SARS2: variants seen among roughly 807,000 people sequenced by gnomAD.
SARS2 encodes the protein seryl-tRNA synthetase 2, mitochondrial.
A neutral mutation model predicts 66.8 loss-of-function variants in SARS2; 52 were observed. The observed-to-expected ratio is 0.78, with a 90% CI of 0.62 to 0.98. The LOEUF is 0.98. Ranked by LOEUF, SARS2 falls within the 50% of genes least tolerant of loss-of-function variation. SARS2 has a pLI of 0.00. For missense variants in SARS2, 673 were observed against 706.3 expected (o/e 0.95, Z 0.53); for synonymous variants, 306 against 281.4 (o/e 1.09, Z -0.87).
At chr19:38,917,633 G>A (rs1974440221) in intron 12 of SARS2, 91 bp downstream of exon 12, 1 of 835,944 alleles carries the variant, frequency 1.2e-6, no homozygotes, top group Non-Finnish European at 2.0e-6. Context: ...GGGCTGGAGA[G>A]GTGGTTCCAG....
intron 7 of SARS2, among the ~76,000 whole-genome samples, chr19:38,919,197 G>A (rs1410239544): frequency 6.6e-6 from 1 of 152,208 alleles, no homozygotes; most frequent in Non-Finnish European, 1.5e-5. Context: ...TGAGGCAGGA[G>A]AATTACTTAA....
At chr19:38,922,323 G>A (rs1330837740) in intron 2 of SARS2, 56 bp from the exon 3 acceptor site, 9 of 1,565,624 alleles carry the variant, frequency 5.7e-6, no homozygotes, top group Non-Finnish European at 7.9e-6. Flanking sequence ...GGGTGGGGAA[G>A]AGAAAAAATG....
chr19:38,922,074 C>A, intron 3 of SARS2, 164 bp downstream of exon 3: 1 of 1,579,546 alleles, frequency 6.3e-7, no homozygotes, highest in Non-Finnish European at 8.6e-7. Flanking sequence ...TGGATCCAGC[C>A]GCACCTGAAG....
At position 38,930,742 on chromosome 19, in the gene SARS2, A is replaced by C; in HGVS notation, c.-6T>G. ...CGCGCCATGGACGCAGCCATCTTGG[A>C]CCGGGAACAAGGCGGCACTTCGTCC... On this transcript the variant is annotated 5_prime_UTR_variant, in exon 1 of 16. Transcript: ENST00000221431. 1 of 1,612,726 alleles carries C rather than the reference A, an allele frequency of 6.2e-7. No individual in the cohort carries two copies. Among genetic ancestry groups the C allele is most frequent in the Non-Finnish European group, 8.5e-7 (1 of 1,179,990 alleles).
chr19:38,919,766 C>T lies in SARS2; in HGVS notation c.755G>A (p.Arg252His), dbSNP rs777764275. 188 of 1,613,706 alleles carry T rather than the reference C, an allele frequency of 1.2e-4. 1 individual carries two copies. The East Asian group carries it at 2.0e-3, about 17-fold the overall frequency. The part of the protein sequence containing the change: ...LVNFTFNKLL[R>H]RGFTPMTVPD... ...CCCTCCTATCTTGGCCCATACCCGG[C>T]GGAGAAGCTTGTTGAATGTGAAGTT... Residue 252 changes from arginine to histidine, a missense_variant, in exon 7 of 16, where the codon CGC (arginine) becomes CAC (histidine). Physicochemically the swap from Arg to His is conservative, Grantham distance 29. Coordinates refer to ENST00000221431, the MANE Select transcript of SARS2 (RefSeq NM_017827.4).
chr19:38,915,583 C>G lies in SARS2; in HGVS notation c.*23G>C. On this transcript the variant is annotated 3_prime_UTR_variant, in exon 16 of 16. Coordinates refer to ENST00000221431, the MANE Select transcript of SARS2 (RefSeq NM_017827.4). ...GAACTCCAGGAAGCAGTGACACCCC[C>G]GAGGGCTGCTGTGGGTGGGTTCTTA... The G allele has an allele frequency of 6.2e-7, 1 of 1,609,882 alleles. No individual in the cohort carries two copies.
chr19:38,915,588 G>A lies in SARS2; in HGVS notation c.*18C>T. The A allele has an allele frequency of 6.2e-7, 1 of 1,610,552 alleles. No individual in the cohort carries two copies. The highest frequency in any genetic ancestry group is 8.5e-7 in the Non-Finnish European group (1 of 1,179,728). ...CCAGGAAGCAGTGACACCCCCGAGG[G>A]CTGCTGTGGGTGGGTTCTTAGCTTA... On this transcript the variant is annotated 3_prime_UTR_variant, in exon 16 of 16. Transcript: ENST00000221431.
intron 5 of SARS2, 95 bp from the exon 6 acceptor site, chr19:38,920,244 T>G (rs1600166176): frequency 2.1e-6 from 2 of 968,358 alleles, no homozygotes; most frequent in African/African-American, 3.4e-5. Context: ...GGAGGGACGG[T>G]GAGAGAAAAT....
At chr19:38,924,165 C>T (rs1974590465) in intron 2 of SARS2, among the ~76,000 whole-genome samples, 2 of 151,882 alleles carry the variant, frequency 1.3e-5, no homozygotes, top group African/African-American at 4.8e-5. Context: ...ACTAATATAC[C>T]CTGTCTGTAG....
chr19:38,922,822 T>G (rs1316391013), intron 2 of SARS2, among the ~76,000 whole-genome samples: 1 of 152,176 alleles, frequency 6.6e-6, no homozygotes, highest in Non-Finnish European at 1.5e-5. Flanking sequence ...CGCCATGATT[T>G]TAAGTTTCCT....
chr19:38,915,933 G>A (rs1974405333), intron 14 of SARS2, 27 bp from the exon 15 acceptor site: 2 of 1,613,378 alleles, frequency 1.2e-6, no homozygotes, highest in Middle Eastern at 1.6e-4. Flanking sequence ...CTCGGAACTG[G>A]CGCCCACCCC....
intron 2 of SARS2, among the ~76,000 whole-genome samples, chr19:38,925,507 A>T (rs2144778465): frequency 6.6e-6 from 1 of 152,170 alleles, no homozygotes; most frequent in East Asian, 1.9e-4. Context: ...GTCTGGGCCC[A>T]GGGGACACGA....
intron 2 of SARS2, among the ~76,000 whole-genome samples, chr19:38,924,094 T>A (rs914137029): frequency 6.6e-6 from 1 of 151,410 alleles, no homozygotes; most frequent in East Asian, 1.9e-4. Flanking sequence ...ATCGTGCCAC[T>A]GTACTCTGGT....
At chr19:38,923,704 GGCTTGGTGGCTTACGCCT>G (rs1974580408) in intron 2 of SARS2, among the ~76,000 whole-genome samples, 1 of 152,006 alleles carries the variant, frequency 6.6e-6, no homozygotes, top group Non-Finnish European at 1.5e-5. Flanking sequence ...AATCAGGCCG[GGCTTGGTGGCTTACGCCT>G]GTAATCCCAG....
Position 38,930,698 on chromosome 19 carries a change from C to G in SARS2, c.39G>C (p.Leu13=), listed in dbSNP as rs1974726829. Residue 13 remains leucine, a synonymous_variant, in exon 1 of 16, where the codon CTG becomes CTC. Coordinates refer to ENST00000221431, the MANE Select transcript of SARS2 (RefSeq NM_017827.4). ...CCCGGGGCCGGAACCCCCGACGAGTCAGCAAAGGCCACAAGCGCCGCGCCA... is the reference window on the plus strand; with the variant it reads ...CCCGGGGCCGGAACCCCCGACGAGTGAGCAAAGGCCACAAGCGCCGCGCCA... ...ASMARRLWPL[L]TRRGFRPRGG... 6 of 1,613,862 alleles carry G rather than the reference C, an allele frequency of 3.7e-6. No homozygotes were observed. Among genetic ancestry groups the G allele is most frequent in the Non-Finnish European group, 5.1e-6 (6 of 1,180,040 alleles).
In SARS2 at chr19:38,930,646, T is replaced by G. The variant is rs138274440; in HGVS notation, c.91A>C (p.Arg31=). 7.6e-5 allele frequency: 122 copies of G among 1,614,152 alleles called. No individual in the cohort carries two copies. In the African/African-American group the frequency reaches 1.5e-3, roughly 20 times the overall value. Residue 31 remains arginine, a synonymous_variant, in exon 1 of 16, where the codon AGG becomes CGG. Transcript: ENST00000221431. ...RGGCISNDSP[R]RSFTTEKRNR... ...CGTTTCTCTGTAGTGAAACTTCTCC[T>G]TGGACTATCGTTGGAGATGCAGCCT... is the stretch of plus-strand genomic sequence containing the variant.
rs185796826 is a variant in SARS2, at chr19:38,929,626, C to T, written c.267+844G>A. Among the ~76,000 whole-genome samples, 728 of 151,874 alleles carry T rather than the reference C, an allele frequency of 4.8e-3. 5 individuals are homozygous for T. The highest frequency in any genetic ancestry group is 0.016 in the African/African-American group (676 of 41,386). On this transcript the variant is annotated intron_variant, in intron 1 of 15. Coordinates refer to ENST00000221431, the MANE Select transcript of SARS2 (RefSeq NM_017827.4). Reference sequence around the variant, plus strand: ...GCACAGGTTAAAATTCCCACTCTGCCACTTCCCAGTTGCATGACCTAGCGC... The same window carrying T: ...GCACAGGTTAAAATTCCCACTCTGCTACTTCCCAGTTGCATGACCTAGCGC...
At chr19:38,917,264 C>T (rs947786808) in intron 12 of SARS2, among the ~76,000 whole-genome samples, 6 of 152,256 alleles carry the variant, frequency 3.9e-5, no homozygotes, top group Admixed American at 6.5e-5. Context: ...CCGGCTTACG[C>T]TCCCAGTTTT....
intron 1 of SARS2, among the ~76,000 whole-genome samples, chr19:38,926,905 C>T (rs1974637428): frequency 6.6e-6 from 1 of 151,388 alleles, no homozygotes; most frequent in Non-Finnish European, 1.5e-5. Context: ...CCAGCCTGGG[C>T]AACACAGGAA....
Sources: gnomAD v4.1 joint callset for allele counts (sites outside exome capture counted in the v4.1 genomes callset) on GRCh38, gnomAD v4.1.1 for gene constraint, MANE v1.5 for transcripts, NCBI Gene and HGNC (gene_info 2026-07-23, HGNC 2026-07-21) for gene names.